The following DENND1A variants were observed in gnomAD, a reference collection of about 807,000 sequenced individuals.
The protein encoded by DENND1A is DENN domain containing 1A, also known as DENN domain-containing protein 1A.
In DENND1A, 51 loss-of-function variants were observed where a neutral mutation model predicts 113.7. That is an observed-to-expected ratio of 0.45 (90% CI 0.36 to 0.57). DENND1A has a LOEUF of 0.57. Ranked by LOEUF, DENND1A falls within the 20% of genes least tolerant of loss-of-function variation. The pLI is 0.00. For synonymous variants in DENND1A, 565 were observed against 570.8 expected (o/e 0.99, Z 0.14); for missense variants, 1,258 against 1,395.9 (o/e 0.90, Z 1.57).
At chr9:123,547,552 G>A (rs2056782388) in intron 13 of DENND1A, among the ~76,000 whole-genome samples, 1 of 152,036 alleles carries the variant, frequency 6.6e-6, no homozygotes, top group African/African-American at 2.4e-5. Flanking sequence ...AAACCTGACT[G>A]TAATTTTTTA....
chr9:123,476,645 C>A (rs1186381799), intron 13 of DENND1A, among the ~76,000 whole-genome samples: 1 of 152,132 alleles, frequency 6.6e-6, no homozygotes, highest in East Asian at 1.9e-4. Flanking sequence ...CATTTGGGAA[C>A]GAGGTGTGGG....
chr9:123,545,295 C>T (rs1049235735), intron 13 of DENND1A, among the ~76,000 whole-genome samples: 14 of 151,948 alleles, frequency 9.2e-5, no homozygotes, highest in African/African-American at 2.9e-4. Flanking sequence ...AGAATGCAAC[C>T]GCACCCCACA....
chr9:123,603,398 T>C (rs1334585881), intron 11 of DENND1A, among the ~76,000 whole-genome samples: 1 of 152,252 alleles, frequency 6.6e-6, no homozygotes, highest in Non-Finnish European at 1.5e-5. Context: ...ATGTGGCCTC[T>C]GGATCCCGAG....
intron 2 of DENND1A, among the ~76,000 whole-genome samples, chr9:123,849,693 C>G (rs1282805628): frequency 2.0e-5 from 3 of 152,188 alleles, no homozygotes; most frequent in Non-Finnish European, 4.4e-5. Context: ...AGTTATTCCT[C>G]TGATGGGTTT....
At chr9:123,678,088 T>C (rs1158764841) in intron 5 of DENND1A, among the ~76,000 whole-genome samples, 4 of 152,166 alleles carry the variant, frequency 2.6e-5, no homozygotes, top group African/African-American at 9.7e-5. Context: ...TAATTCTCTC[T>C]TTTCTGTGCT....
At chr9:123,912,494 T>G (rs1221168473) in intron 1 of DENND1A, among the ~76,000 whole-genome samples, 1 of 152,122 alleles carries the variant, frequency 6.6e-6, no homozygotes, top group African/African-American at 2.4e-5. Flanking sequence ...GTCAAAAAAT[T>G]TTTTAAGAAA....
intron 5 of DENND1A, among the ~76,000 whole-genome samples, chr9:123,723,972 A>T (rs925163531): frequency 1.6e-4 from 25 of 152,306 alleles, no homozygotes; most frequent in Admixed American, 1.6e-3. Context: ...ACCAATATTT[A>T]TTGAAGGAAT....
chr9:123,913,767 T>C (rs1488808978), intron 1 of DENND1A, among the ~76,000 whole-genome samples: 1 of 151,594 alleles, frequency 6.6e-6, no homozygotes, highest in East Asian at 1.9e-4. Context: ...TAGCCAGCCA[T>C]GGTGGTGCAT....
intron 3 of DENND1A, among the ~76,000 whole-genome samples, chr9:123,792,132 G>A (rs909620803): frequency 7.2e-5 from 11 of 152,132 alleles, no homozygotes; most frequent in Admixed American, 3.3e-4. Context: ...ATTTCTGCAC[G>A]TGCATCTTCT....
chr9:123,545,103 G>GAA (rs34469127), intron 13 of DENND1A, among the ~76,000 whole-genome samples: 12 of 144,394 alleles, frequency 8.3e-5, no homozygotes, highest in African/African-American at 2.3e-4. Context: ...GTCTCAAAAA[G>GAA]AAAAAAAAAA....
chr9:123,412,782 CA>C, intron 19 of DENND1A, among the ~76,000 whole-genome samples: 1 of 152,334 alleles, frequency 6.6e-6, no homozygotes, highest in Middle Eastern at 3.4e-3. Flanking sequence ...GGACCCACAG[CA>C]ATCCCCGGGA....
intron 9 of DENND1A, 23 bp from the exon 10 acceptor site, chr9:123,630,499 T>G (rs768763812): frequency 6.7e-7 from 1 of 1,497,106 alleles, no homozygotes; most frequent in South Asian, 1.3e-5. Flanking sequence ...AAAGCAGAGA[T>G]CAATGAACAA....
intron 9 of DENND1A, among the ~76,000 whole-genome samples, chr9:123,647,879 C>G (rs1286172592): frequency 6.6e-6 from 1 of 152,142 alleles, no homozygotes; most frequent in Non-Finnish European, 1.5e-5. Context: ...TACATATATC[C>G]TACCATACAT....
At chr9:123,832,620 T>TACA (rs1840396577) in intron 2 of DENND1A, among the ~76,000 whole-genome samples, 1 of 151,690 alleles carries the variant, frequency 6.6e-6, no homozygotes, top group African/African-American at 2.4e-5. Flanking sequence ...CATAAATCTC[T>TACA]ACAGACAGTA....
intron 3 of DENND1A, among the ~76,000 whole-genome samples, chr9:123,785,253 A>G (rs1371710316): frequency 6.6e-6 from 1 of 152,090 alleles, no homozygotes; most frequent in Non-Finnish European, 1.5e-5. Context: ...AGGCTGAGGT[A>G]GGAGAATTGC....
chr9:123,383,048 C>T (rs1213080820), intron 23 of DENND1A, among the ~76,000 whole-genome samples: 1 of 152,206 alleles, frequency 6.6e-6, no homozygotes, highest in African/African-American at 2.4e-5. Context: ...GGCTCTGCCA[C>T]TTGCAAGCCA....
chr9:123,727,832 C>T (rs779529936), intron 5 of DENND1A, among the ~76,000 whole-genome samples: 8 of 152,076 alleles, frequency 5.3e-5, no homozygotes, highest in South Asian at 2.1e-4. Context: ...ATAGGCCAGG[C>T]GTGGTGGCTC....
chr9:123,525,758 C>CTTTTTT (rs34055700), intron 13 of DENND1A, among the ~76,000 whole-genome samples: 3 of 129,842 alleles, frequency 2.3e-5, no homozygotes, highest in Non-Finnish European at 4.7e-5. Flanking sequence ...TGCAGTCTAC[C>CTTTTTT]TTTTTTTTTT....
intron 2 of DENND1A, among the ~76,000 whole-genome samples, chr9:123,794,637 A>G (rs571807929): frequency 3.3e-5 from 5 of 152,230 alleles, no homozygotes; most frequent in South Asian, 4.1e-4. Flanking sequence ...GTGAAAGACT[A>G]TATGTCCGAA....
Sources: allele counts gnomAD v4.1 joint callset (sites outside exome capture counted in the v4.1 genomes callset), GRCh38; gene constraint gnomAD v4.1.1; transcripts MANE v1.5; gene names NCBI Gene and HGNC (gene_info 2026-07-23, HGNC 2026-07-21).